TAFA1: variants seen among roughly 807,000 people sequenced by gnomAD.
TAFA1 encodes the protein chemokine-like protein TAFA-1.
In TAFA1, 4 loss-of-function variants were observed where a neutral mutation model predicts 18.5. That is an observed-to-expected ratio of 0.22 (90% CI 0.11 to 0.49). TAFA1 has a LOEUF of 0.49. TAFA1 is among the 20% of genes least tolerant of loss of function. The pLI, the probability that TAFA1 is intolerant of heterozygous loss-of-function variation, is 0.98. For missense variants in TAFA1, 147 were observed against 169.0 expected, an observed-to-expected ratio of 0.87 and a Z score of 0.72; for synonymous variants, 56 against 55.2, an observed-to-expected ratio of 1.01 and a Z score of -0.06.
the TAFA1 span, among the ~76,000 whole-genome samples, chr3:67,998,006 T>C: frequency 6.6e-6 from 1 of 151,078 alleles, no homozygotes; most frequent in African/African-American, 2.4e-5. Context: ...ATATGAAAAA[T>C]ACAATGAAAA....
intron 3 of TAFA1, among the ~76,000 whole-genome samples, chr3:68,445,037 T>A (rs1364387225): frequency 6.6e-6 from 1 of 152,028 alleles, no homozygotes; most frequent in African/African-American, 2.4e-5. Context: ...TGGACAGTTA[T>A]CTTGAGAATA....
At chr3:68,379,194 A>G (rs1178695131) in intron 2 of TAFA1, among the ~76,000 whole-genome samples, 1 of 152,126 alleles carries the variant, frequency 6.6e-6, no homozygotes, top group Non-Finnish European at 1.5e-5. Context: ...CTTTTTAATA[A>G]TACCCATTCT....
At chr3:68,289,599 T>G (rs2068074550) in intron 2 of TAFA1, among the ~76,000 whole-genome samples, 2 of 152,134 alleles carry the variant, frequency 1.3e-5, no homozygotes, top group South Asian at 2.1e-4. Context: ...GGAGGAACAT[T>G]TAGAATGTTC....
At chr3:68,107,383 G>A (rs7629114) in intron 2 of TAFA1, among the ~76,000 whole-genome samples, 53,528 of 151,920 alleles carry the variant, frequency 0.35, 9,846 homozygotes, top group East Asian at 0.49. Context: ...TGGAAACAAT[G>A]GAAATGTTTA....
chr3:68,469,828 G>T (rs1338505711), intron 3 of TAFA1, among the ~76,000 whole-genome samples: 1 of 152,152 alleles, frequency 6.6e-6, no homozygotes, highest in Admixed American at 6.5e-5. Flanking sequence ...CCAGTGATGG[G>T]CTGTCTAAGC....
intron 3 of TAFA1, among the ~76,000 whole-genome samples, chr3:68,426,654 G>A (rs937897478): frequency 6.6e-6 from 1 of 151,876 alleles, no homozygotes; most frequent in African/African-American, 2.4e-5. Context: ...AATCATACTC[G>A]GTGATAAACG....
intron 2 of TAFA1, among the ~76,000 whole-genome samples, chr3:68,297,350 A>G (rs556907933): frequency 6.6e-6 from 1 of 152,318 alleles, no homozygotes; most frequent in East Asian, 1.9e-4. Flanking sequence ...AACAGTTAGC[A>G]TGGAACATTC....
intron 3 of TAFA1, among the ~76,000 whole-genome samples, chr3:68,530,657 G>A (rs2073175632): frequency 1.3e-5 from 2 of 152,050 alleles, no homozygotes; most frequent in Non-Finnish European, 2.9e-5. Flanking sequence ...AGTCCTCGGA[G>A]CAGTTATGCA....
At chr3:68,388,559 CG>C (rs148920530) in intron 2 of TAFA1, among the ~76,000 whole-genome samples, 8,121 of 151,988 alleles carry the variant, frequency 0.053, 685 homozygotes, top group African/African-American at 0.18. Flanking sequence ...CCACCTATGA[CG>C]TTTTTTTTAT....
chr3:68,004,906 TA>T (rs1489537459), intron 1 of TAFA1, among the ~76,000 whole-genome samples: 1 of 152,032 alleles, frequency 6.6e-6, no homozygotes, highest in African/African-American at 2.4e-5. Context: ...AAAGTTAAAT[TA>T]AAAAAATATA....
intron 2 of TAFA1, among the ~76,000 whole-genome samples, chr3:68,210,014 T>A (rs1235063524): frequency 6.6e-6 from 1 of 152,128 alleles, no homozygotes; most frequent in Non-Finnish European, 1.5e-5. Context: ...CATCACAATT[T>A]TTTTCCCCTT....
rs115455647 is a variant in TAFA1 at position 68,071,611 on chromosome 3, C to T, written c.118+64867C>T. Among the ~76,000 whole-genome samples the T allele has an allele frequency of 3.7e-3, 556 of 152,236 alleles. 5 individuals carry two copies. The highest frequency in any genetic ancestry group is 0.013 in the African/African-American group (520 of 41,548). On this transcript the variant is annotated intron_variant, in intron 2 of 4. Transcript: ENST00000478136. ...CCAGCTCTGCCACTTGCTAGTTGTG[C>T]CACTTAGCATTTCTGTGCCTCAGTT...
At chr3:68,436,690 A>C (rs1258741248) in intron 3 of TAFA1, among the ~76,000 whole-genome samples, 1 of 152,134 alleles carries the variant, frequency 6.6e-6, no homozygotes, top group Non-Finnish European at 1.5e-5. Context: ...TTCATTCCAA[A>C]ACTTGGGCTC....
intron 2 of TAFA1, among the ~76,000 whole-genome samples, chr3:68,313,617 A>G (rs72626961): frequency 0.026 from 3,936 of 152,324 alleles, 91 homozygotes; most frequent in East Asian, 0.098. Context: ...ATGAAGATGT[A>G]TCAATATGAA....
chr3:68,455,972 C>T (rs1325403710), intron 3 of TAFA1, among the ~76,000 whole-genome samples: 1 of 152,090 alleles, frequency 6.6e-6, no homozygotes, highest in African/African-American at 2.4e-5. Flanking sequence ...GAATTAAATA[C>T]ATGGTGTTTG....
At chr3:68,126,047 A>T (rs1329760679) in intron 2 of TAFA1, among the ~76,000 whole-genome samples, 1 of 152,132 alleles carries the variant, frequency 6.6e-6, no homozygotes, top group Non-Finnish European at 1.5e-5. Flanking sequence ...TTGAACCTTA[A>T]TTGTATCACT....
In TAFA1 at chr3:68,306,031, T is replaced by C. The variant is rs902109802; in HGVS notation, c.119-111249T>C. Among the ~76,000 whole-genome samples the C allele has an allele frequency of 9.2e-5, 14 of 152,280 alleles. No individual in the cohort carries two copies. The East Asian group carries it at 2.5e-3, about 27-fold the overall frequency. On this transcript the variant is annotated intron_variant, in intron 2 of 4. Transcript: ENST00000478136. The stretch of plus-strand genomic sequence containing the variant: ...GTTACTAATGAATACCCTTTGGTGA[T>C]TGAAAAGACAGAGGAGGAAAAAAAA...
chr3:68,334,602 T>G (rs146764115), intron 2 of TAFA1, among the ~76,000 whole-genome samples: 1 of 152,092 alleles, frequency 6.6e-6, no homozygotes, highest in African/African-American at 2.4e-5. Flanking sequence ...TGCCCTAAGA[T>G]TCTGCATTTT....
intron 2 of TAFA1, among the ~76,000 whole-genome samples, chr3:68,264,772 C>A (rs1470496230): frequency 6.8e-6 from 1 of 146,906 alleles, no homozygotes. Flanking sequence ...AAAGACAGAC[C>A]AAACTTTTGA....
Sources: gnomAD v4.1 joint callset for allele counts (sites outside exome capture counted in the v4.1 genomes callset) on GRCh38, gnomAD v4.1.1 for gene constraint, MANE v1.5 for transcripts, NCBI Gene and HGNC (gene_info 2026-07-23, HGNC 2026-07-21) for gene names.